Variants in FBXO16 observed in about 807,000 individuals in gnomAD.
FBXO16 encodes F-box only protein 16.
A neutral mutation model predicts 41.0 loss-of-function variants in FBXO16; 31 were observed. That is an observed-to-expected ratio of 0.76 (90% CI 0.57 to 1.02). The LOEUF (loss-of-function observed/expected upper bound fraction) is 1.02. Among genes scored for constraint, FBXO16 ranks in the 50% least tolerant of loss-of-function variants. The probability of loss-of-function intolerance (pLI) is 0.00; values close to 1 mark genes in which losing one functional copy is unlikely to be tolerated. For synonymous variants in FBXO16, 133 were observed against 117.8 expected, an observed-to-expected ratio of 1.13 and a Z score of -0.84; for missense variants, 361 against 346.2, an observed-to-expected ratio of 1.04 and a Z score of -0.34.
At chr8:28,489,440 T>C (rs1417148333) in intron 1 of FBXO16, among the ~76,000 whole-genome samples, 1 of 148,348 alleles carries the variant, frequency 6.7e-6, no homozygotes, top group African/African-American at 2.5e-5. Flanking sequence ...TTTGGGAGGC[T>C]GAGGCAGGAG....
chr8:28,449,319 T>C (rs1156869426), intron 6 of FBXO16, among the ~76,000 whole-genome samples: 2 of 141,482 alleles, frequency 1.4e-5, no homozygotes, highest in Non-Finnish European at 3.1e-5. Flanking sequence ...AGACTTCTTT[T>C]TTTTTTTTTT....
intron 5 of FBXO16, among the ~76,000 whole-genome samples, chr8:28,454,787 C>T (rs1306341047): frequency 1.4e-5 from 2 of 144,906 alleles, no homozygotes; most frequent in Non-Finnish European, 3.0e-5. Context: ...AATGCTTACA[C>T]TTTAACAAAA....
intron 2 of FBXO16, among the ~76,000 whole-genome samples, chr8:28,479,315 C>T (rs1803475785): frequency 1.3e-5 from 2 of 152,090 alleles, no homozygotes; most frequent in African/African-American, 4.8e-5. Context: ...CTTTTATTTC[C>T]TTCCCTTCCC....
chr8:28,439,570 T>C (rs1802734009), intron 7 of FBXO16, among the ~76,000 whole-genome samples: 1 of 151,960 alleles, frequency 6.6e-6, no homozygotes, highest in African/African-American at 2.4e-5. Context: ...AGACCCTGTC[T>C]CTACAAAAAA....
At chr8:28,438,080 C>G (rs1226643254) in intron 7 of FBXO16, among the ~76,000 whole-genome samples, 1 of 152,080 alleles carries the variant, frequency 6.6e-6, no homozygotes, top group South Asian at 2.1e-4. Context: ...CTTTGGGAGG[C>G]TGAAGCAGGC....
intron 3 of FBXO16, among the ~76,000 whole-genome samples, chr8:28,469,108 A>C (rs1261847654): frequency 6.6e-6 from 1 of 152,096 alleles, no homozygotes. Flanking sequence ...CAGGAGTTCG[A>C]GACCAGCCTG....
intron 3 of FBXO16, among the ~76,000 whole-genome samples, chr8:28,468,039 G>A (rs1803273393): frequency 6.6e-6 from 1 of 152,200 alleles, no homozygotes; most frequent in South Asian, 2.1e-4. Context: ...TTTAGAAGGT[G>A]CTAGAAATAA....
At chr8:28,458,530 CTCT>C (rs753577726) in intron 4 of FBXO16, among the ~76,000 whole-genome samples, 21 of 148,252 alleles carry the variant, frequency 1.4e-4, no homozygotes, top group Middle Eastern at 3.4e-3. Flanking sequence ...TCCTTTTCTC[CTCT>C]TCTTCTTCTT....
At chr8:28,445,506 A>G (rs1324413885) in intron 7 of FBXO16, among the ~76,000 whole-genome samples, 5 of 151,914 alleles carry the variant, frequency 3.3e-5, no homozygotes, top group Admixed American at 6.6e-5. Flanking sequence ...CTTCTCTTCC[A>G]CTCCTTGCCT....
chr8:28,446,106 G>A (rs1343445863), intron 7 of FBXO16, among the ~76,000 whole-genome samples: 1 of 150,196 alleles, frequency 6.7e-6, no homozygotes, highest in Non-Finnish European at 1.5e-5. Context: ...TAGTCAATTC[G>A]CTGTTTTTTA....
intron 1 of FBXO16, among the ~76,000 whole-genome samples, chr8:28,487,609 T>C (rs1803623038): frequency 6.6e-6 from 1 of 151,848 alleles, no homozygotes; most frequent in East Asian, 1.9e-4. Context: ...TGGTCAGGCT[T>C]GTCTTGAACT....
In FBXO16 at chr8:28,489,072, A is replaced by C. The variant is rs1803646832; in HGVS notation, c.-17+1114T>G. On this transcript the variant is annotated intron_variant, in intron 1 of 8. Coordinates refer to ENST00000380254, the MANE Select transcript of FBXO16 (RefSeq NM_172366.4). Reference sequence around the variant, plus strand: ...CAAGTGGGGAGCAGTTTAAGGATTAAAACTTGTAGAAATGTTTGGGAGGCT... The same window carrying C: ...CAAGTGGGGAGCAGTTTAAGGATTACAACTTGTAGAAATGTTTGGGAGGCT... Among the ~76,000 whole-genome samples, 4 of 152,162 alleles carry C rather than the reference A, an allele frequency of 2.6e-5. No individual in the cohort carries two copies. The South Asian group carries it at 8.3e-4, about 32-fold the overall frequency.
intron 1 of FBXO16, among the ~76,000 whole-genome samples, chr8:28,489,956 G>A (rs1248734899): frequency 6.6e-6 from 1 of 152,182 alleles, no homozygotes; most frequent in African/African-American, 2.4e-5. Context: ...CGCTTAACTA[G>A]TTTTTAAAAA....
chr8:28,464,420 A>T (rs1803198539), intron 3 of FBXO16, among the ~76,000 whole-genome samples: 1 of 152,212 alleles, frequency 6.6e-6, no homozygotes, highest in Non-Finnish European at 1.5e-5. Context: ...TTTTCCTCAG[A>T]GATTACCCTG....
intron 1 of FBXO16, among the ~76,000 whole-genome samples, chr8:28,487,536 G>A (rs1464348362): frequency 2.0e-5 from 3 of 151,638 alleles, no homozygotes; most frequent in African/African-American, 4.9e-5. Flanking sequence ...TGGGATTACA[G>A]GCATGCACCA....
Position 28,447,196 on chromosome 8 carries a change from G to C in FBXO16, c.818C>G (p.Thr273Ser), listed in dbSNP as rs1802877582. The change falls in exon 7 of 9, where the codon ACT (threonine) becomes AGT (serine). Residue 273 changes from threonine to serine, a missense_variant. Coordinates refer to ENST00000380254, the MANE Select transcript of FBXO16 (RefSeq NM_172366.4). Reference sequence around the variant, plus strand: ...CATTGATTGTGCTTTTCTTAGCCTAGTTCTGTCCTGCAATTTATTTTTCTT... The same window carrying C: ...CATTGATTGTGCTTTTCTTAGCCTACTTCTGTCCTGCAATTTATTTTTCTT... ...HDKKNKLQDR[T>S]RLRKAQSMMS... The C allele has an allele frequency of 6.2e-7, 1 of 1,612,338 alleles. No homozygotes were observed. The highest frequency in any genetic ancestry group is 2.2e-5 in the East Asian group (1 of 44,858).
intron 7 of FBXO16, among the ~76,000 whole-genome samples, chr8:28,439,702 C>T (rs867839616): frequency 3.3e-5 from 5 of 151,490 alleles, no homozygotes; most frequent in East Asian, 1.9e-4. Flanking sequence ...GCTGTGATCA[C>T]GCCACTGCAC....
chr8:28,433,235 T>C (rs1000912633), intron 7 of FBXO16, among the ~76,000 whole-genome samples: 4 of 152,324 alleles, frequency 2.6e-5, no homozygotes, highest in African/African-American at 9.6e-5. Context: ...TTACCCAATA[T>C]CCTGATGTGC....
chr8:28,434,045 C>T (rs187742664), intron 7 of FBXO16, among the ~76,000 whole-genome samples: 330 of 150,596 alleles, frequency 2.2e-3, no homozygotes, highest in Non-Finnish European at 3.6e-3. Context: ...ACTGCAACCT[C>T]TGCCTCCTGG....
Sources: allele counts gnomAD v4.1 joint callset (sites outside exome capture counted in the v4.1 genomes callset), GRCh38; gene constraint gnomAD v4.1.1; transcripts MANE v1.5; gene names NCBI Gene and HGNC (gene_info 2026-07-23, HGNC 2026-07-21).